The following PDE4D variants were observed in gnomAD, a reference collection of about 807,000 sequenced individuals.
PDE4D encodes phosphodiesterase 4D.
In PDE4D, 24 loss-of-function variants were observed where a neutral mutation model predicts 87.4. The observed-to-expected ratio is 0.27, with a 90% CI of 0.20 to 0.39. The LOEUF is 0.39. Among genes scored for constraint, PDE4D ranks in the 10% least tolerant of loss-of-function variants. The pLI, the probability that PDE4D is intolerant of heterozygous loss-of-function variation, is 1.00. For synonymous variants in PDE4D, 384 were observed against 383.2 expected (o/e 1.00, Z -0.02); for missense variants, 714 against 1,041.0 (o/e 0.69, Z 4.32).
chr5:59,360,127 T>A (rs943654874), intron 1 of PDE4D, among the ~76,000 whole-genome samples: 5 of 152,216 alleles, frequency 3.3e-5, no homozygotes, highest in Non-Finnish European at 7.3e-5. Context: ...CAGAATTTCC[T>A]TTATAGGAGA....
chr5:60,272,600 T>C (rs1750929042), intron 1 of PDE4D, among the ~76,000 whole-genome samples: 1 of 152,098 alleles, frequency 6.6e-6, no homozygotes, highest in African/African-American at 2.4e-5. Context: ...AGGTATAGAC[T>C]GGGCAATCTA....
intron 1 of PDE4D, among the ~76,000 whole-genome samples, chr5:59,800,394 C>T (rs1313567455): frequency 6.6e-6 from 1 of 151,998 alleles, no homozygotes; most frequent in African/African-American, 2.4e-5. Flanking sequence ...ATTGATCACA[C>T]TATATAGTAA....
intron 1 of PDE4D, among the ~76,000 whole-genome samples, chr5:59,624,187 C>A (rs1405152501): frequency 6.6e-6 from 1 of 152,152 alleles, no homozygotes; most frequent in East Asian, 1.9e-4. Context: ...TGGATCCATG[C>A]ACGCTCTTAA....
At chr5:59,164,023 C>T (rs979647746) in intron 5 of PDE4D, among the ~76,000 whole-genome samples, 29 of 152,318 alleles carry the variant, frequency 1.9e-4, no homozygotes, top group South Asian at 8.3e-4. Context: ...AATCAAATAT[C>T]TTCCTAAGGA....
At chr5:59,012,463 C>T (rs561248059) in intron 6 of PDE4D, among the ~76,000 whole-genome samples, 4 of 151,980 alleles carry the variant, frequency 2.6e-5, no homozygotes, top group Non-Finnish European at 5.9e-5. Context: ...GGAAGATCTA[C>T]CAAGCAAATA....
At chr5:59,867,349 A>G (rs1405978805) in intron 1 of PDE4D, among the ~76,000 whole-genome samples, 1 of 152,210 alleles carries the variant, frequency 6.6e-6, no homozygotes, top group Non-Finnish European at 1.5e-5. Flanking sequence ...AGCTAAAAAA[A>G]AAAGATTAAC....
chr5:59,673,158 T>C (rs959158198), intron 1 of PDE4D, among the ~76,000 whole-genome samples: 1 of 152,214 alleles, frequency 6.6e-6, no homozygotes, highest in Non-Finnish European at 1.5e-5. Context: ...TTTGGGGATC[T>C]GACAATCCTT....
intron 1 of PDE4D, among the ~76,000 whole-genome samples, chr5:60,307,509 T>A (rs1340208622): frequency 1.3e-5 from 2 of 152,078 alleles, no homozygotes; most frequent in African/African-American, 4.8e-5. Flanking sequence ...AATTCTCAGG[T>A]CACAAGAAGA....
Position 59,489,243 on chromosome 5 carries a change from G to A in PDE4D, c.456-273275C>T, listed in dbSNP as rs182019975. 5.2e-3 allele frequency among the ~76,000 whole-genome samples: 767 copies of A among 146,732 alleles called. 5 individuals carry two copies. The highest frequency in any genetic ancestry group is 0.015 in the African/African-American group (598 of 39,742). On this transcript the variant is annotated intron_variant, in intron 1 of 14. Transcript: ENST00000340635. Reference sequence around the variant, plus strand: ...TCACACCACTGCACTCTAGCCTGGCGACAGAGTGAGACTCCATCTCAAAAA... The same window carrying A: ...TCACACCACTGCACTCTAGCCTGGCAACAGAGTGAGACTCCATCTCAAAAA...
chr5:59,307,552 A>G (rs1439333039), intron 1 of PDE4D, among the ~76,000 whole-genome samples: 2 of 152,208 alleles, frequency 1.3e-5, no homozygotes, highest in African/African-American at 2.4e-5. Context: ...TGGGCGAAGG[A>G]TATGAACAGA....
intron 1 of PDE4D, among the ~76,000 whole-genome samples, chr5:59,540,697 T>A (rs1816175815): frequency 6.6e-6 from 1 of 152,208 alleles, no homozygotes; most frequent in Non-Finnish European, 1.5e-5. Flanking sequence ...AGATTTTCAA[T>A]CCTGTCACAT....
At chr5:60,068,133 G>A (rs1408299717) in intron 2 of PDE4D, among the ~76,000 whole-genome samples, 2 of 152,118 alleles carry the variant, frequency 1.3e-5, no homozygotes, top group Non-Finnish European at 2.9e-5. Flanking sequence ...AATGTTTAGA[G>A]GAACTTCATT....
intron 1 of PDE4D, among the ~76,000 whole-genome samples, chr5:59,885,399 T>C (rs1433680366): frequency 6.6e-6 from 1 of 152,196 alleles, no homozygotes; most frequent in Non-Finnish European, 1.5e-5. Context: ...GTCTGAAGTG[T>C]TGCATTTTTC....
At chr5:60,399,600 C>T (rs568006952) in intron 1 of PDE4D, among the ~76,000 whole-genome samples, 5 of 152,320 alleles carry the variant, frequency 3.3e-5, no homozygotes, top group African/African-American at 7.2e-5. Context: ...GCTTCAAATC[C>T]GGGGCCAGTG....
intron 6 of PDE4D, among the ~76,000 whole-genome samples, chr5:59,024,317 A>G (rs1460329653): frequency 6.7e-6 from 1 of 149,012 alleles, no homozygotes; most frequent in Admixed American, 6.8e-5. Flanking sequence ...TCTCCTGCTC[A>G]GCCTCCCGAG....
chr5:59,876,869 C>T (rs1172445838), intron 1 of PDE4D, among the ~76,000 whole-genome samples: 1 of 151,910 alleles, frequency 6.6e-6, no homozygotes, highest in Admixed American at 6.6e-5. Context: ...GCATACTTAT[C>T]CTAATACTAA....
intron 1 of PDE4D, among the ~76,000 whole-genome samples, chr5:60,270,003 C>CCT (rs1750648433): frequency 6.6e-6 from 1 of 152,144 alleles, no homozygotes; most frequent in Non-Finnish European, 1.5e-5. Flanking sequence ...GACAGTGAGA[C>CCT]TGAACATGAA....
chr5:60,327,212 G>A (rs1048115133), intron 1 of PDE4D, among the ~76,000 whole-genome samples: 1 of 152,138 alleles, frequency 6.6e-6, no homozygotes. Flanking sequence ...CCAAACAAGT[G>A]GCCAAACCTA....
intron 3 of PDE4D, among the ~76,000 whole-genome samples, chr5:59,967,679 G>A (rs1338543861): frequency 3.9e-5 from 6 of 152,170 alleles, no homozygotes; most frequent in Non-Finnish European, 1.5e-5. Flanking sequence ...ATTTTGGAAA[G>A]CAGTCTGGAG....
Sources: gnomAD v4.1 joint callset for allele counts (sites outside exome capture counted in the v4.1 genomes callset) on GRCh38, gnomAD v4.1.1 for gene constraint, MANE v1.5 for transcripts, NCBI Gene and HGNC (gene_info 2026-07-23, HGNC 2026-07-21) for gene names.